ARHGEF4: variants seen among roughly 807,000 people sequenced by gnomAD.
The protein encoded by ARHGEF4 is APC-stimulated guanine nucleotide exchange factor 1.
Under a neutral mutation model 162.0 loss-of-function variants are expected in ARHGEF4, and 119 were observed. The ratio of observed to expected loss-of-function variants is 0.73; its 90% CI spans 0.63 to 0.86. The LOEUF (loss-of-function observed/expected upper bound fraction) is 0.86, where lower values mean the gene tolerates loss of function less well. Ranked by LOEUF, ARHGEF4 falls within the 40% of genes least tolerant of loss-of-function variation. ARHGEF4 has a pLI of 0.00. For synonymous variants in ARHGEF4, 1,014 were observed against 979.9 expected (o/e 1.03, Z -0.65); for missense variants, 2,488 against 2,456.0 (o/e 1.01, Z -0.28).
rs886144335 is a variant in ARHGEF4 at position 130,914,028 on chromosome 2, G to A, written c.82G>A (p.Glu28Lys). 6.5e-7 allele frequency: 1 copy of A among 1,536,160 alleles called. No individual in the cohort carries two copies. Among genetic ancestry groups the A allele is most frequent in the South Asian group, 1.2e-5 (1 of 84,066 alleles). The change falls in exon 2 of 14, where the codon GAA (glutamate) becomes AAA (lysine). Residue 28 changes from glutamate to lysine, a missense_variant. Transcript: ENST00000409359. The stretch of plus-strand genomic sequence containing the variant: ...ACACCTGCCAGGTGAAGGTGAGATT[G>A]AAGATAACCAGCTCCCCACATCCCC... ...GAHLPGEGEIEDNQLPTSPAE... is the reference protein window; with the variant it reads ...GAHLPGEGEIKDNQLPTSPAE...
chr2:130,870,928 A>G (rs1212881147), intron 1 of ARHGEF4, among the ~76,000 whole-genome samples: 1 of 152,140 alleles, frequency 6.6e-6, no homozygotes, highest in South Asian at 2.1e-4. Context: ...TCCTAGATCT[A>G]AGTGCTGTCA....
chr2:131,039,790 C>T (rs1193530221), intron 6 of ARHGEF4: 2 of 1,399,968 alleles, frequency 1.4e-6, no homozygotes, highest in African/African-American at 1.5e-5. Context: ...GAGGCCAAAT[C>T]GGTATTCGGA....
At chr2:130,958,228 G>A (rs1684411187) in intron 4 of ARHGEF4, among the ~76,000 whole-genome samples, 1 of 152,026 alleles carries the variant, frequency 6.6e-6, no homozygotes, top group Non-Finnish European at 1.5e-5. Flanking sequence ...GGTGTAGGGA[G>A]AAGGAGCCCT....
At chr2:130,875,265 G>A (rs1678754163) in intron 1 of ARHGEF4, among the ~76,000 whole-genome samples, 1 of 151,998 alleles carries the variant, frequency 6.6e-6, no homozygotes, top group South Asian at 2.1e-4. Flanking sequence ...TCTACAGATC[G>A]ATGGCCCCAC....
chr2:131,046,140 C>CATCT lies in ARHGEF4; in HGVS notation c.5584_5587dup (p.Thr1863IlefsTer80), dbSNP rs1377602184. On this transcript the variant is annotated frameshift_variant, in exon 14 of 14. Coordinates refer to ENST00000409359, the MANE Select transcript of ARHGEF4 (RefSeq NM_001367493.1). LOFTEE classifies it high-confidence loss of function. ...GTGCTGGCGGAGCCCAGGCGCAAGCCATCTACCTTCTGGCACAGCATCAGC... is the reference window on the plus strand; with the variant it reads ...GTGCTGGCGGAGCCCAGGCGCAAGCCATCTATCTACCTTCTGGCACAGCATCAGC... The CATCT allele has an allele frequency of 6.2e-7, 1 of 1,613,062 alleles. No individual in the cohort carries two copies. Among genetic ancestry groups the CATCT allele is most frequent in the Non-Finnish European group, 8.5e-7 (1 of 1,179,888 alleles).
At chr2:130,927,788 T>C (rs1017311595) in intron 2 of ARHGEF4, among the ~76,000 whole-genome samples, 3 of 152,218 alleles carry the variant, frequency 2.0e-5, no homozygotes, top group African/African-American at 7.2e-5. Flanking sequence ...CTCGCCACCA[T>C]TCAGATGTCT....
At chr2:130,940,839 A>G (rs969037401) in intron 3 of ARHGEF4, among the ~76,000 whole-genome samples, 4 of 102,370 alleles carry the variant, frequency 3.9e-5, no homozygotes, top group Admixed American at 3.8e-4. Context: ...CTCAAAAAAA[A>G]AAAAAAAAAG....
At chr2:130,981,445 G>A (rs1686109554) in intron 4 of ARHGEF4, among the ~76,000 whole-genome samples, 2 of 152,176 alleles carry the variant, frequency 1.3e-5, no homozygotes, top group African/African-American at 4.8e-5. Flanking sequence ...CGGATCCCAA[G>A]GTCGGGGGAT....
intron 4 of ARHGEF4, among the ~76,000 whole-genome samples, chr2:130,998,840 A>T (rs1462915525): frequency 1.3e-5 from 2 of 152,180 alleles, no homozygotes; most frequent in East Asian, 3.8e-4. Flanking sequence ...AAGGAGTGTG[A>T]TTGCTGGATC....
chr2:131,007,566 AAAT>A (rs1688194573), intron 4 of ARHGEF4, among the ~76,000 whole-genome samples: 1 of 152,136 alleles, frequency 6.6e-6, no homozygotes, highest in Non-Finnish European at 1.5e-5. Context: ...ACATAACAGA[AAAT>A]AATTAGAGTT....
Position 130,916,214 on chromosome 2 carries a change from A to C in ARHGEF4, c.2268A>C (p.Glu756Asp). 1 of 1,546,302 alleles carries C rather than the reference A, an allele frequency of 6.5e-7. No homozygotes were observed. The highest frequency in any genetic ancestry group is 8.7e-7 in the Non-Finnish European group (1 of 1,145,998). Reference sequence around the variant, plus strand: ...AGCGTGGCCCGGAGGAGGCCCCCGAAGGCGGTGCTGCAGCAGCCCGGGGCC... The same window carrying C: ...AGCGTGGCCCGGAGGAGGCCCCCGACGGCGGTGCTGCAGCAGCCCGGGGCC... ...SGERGPEEAP[E>D]GGAAAARGQR... The change falls in exon 2 of 14, where the codon GAA (glutamate) becomes GAC (aspartate). Residue 756 changes from glutamate (E) to aspartate (D), a missense_variant. Physicochemically the swap from Glu to Asp is conservative, Grantham distance 45 (BLOSUM62 2). Transcript: ENST00000409359.
At chr2:130,970,640 A>G (rs1255514498) in intron 4 of ARHGEF4, among the ~76,000 whole-genome samples, 1 of 150,562 alleles carries the variant, frequency 6.6e-6, no homozygotes, top group Non-Finnish European at 1.5e-5. Context: ...GTAGTATCTC[A>G]TTTGGTTTTC....
intron 9 of ARHGEF4, 59 bp from the exon 10 acceptor site, chr2:131,041,755 GA>G: frequency 6.3e-7 from 1 of 1,583,350 alleles, no homozygotes; most frequent in South Asian, 1.1e-5. Context: ...GGCTGCAGGG[GA>G]TCCTCACCCT....
intron 4 of ARHGEF4, among the ~76,000 whole-genome samples, chr2:130,986,181 G>C (rs564903949): frequency 6.6e-6 from 1 of 151,842 alleles, no homozygotes; most frequent in South Asian, 2.1e-4. Context: ...TGTGTTGCAC[G>C]TGCATGTGTG....
At chr2:130,926,081 CT>C (rs1559043964) in intron 2 of ARHGEF4, among the ~76,000 whole-genome samples, 3 of 53,342 alleles carry the variant, frequency 5.6e-5, no homozygotes, top group Non-Finnish European at 3.4e-5. Flanking sequence ...TTTCTTTGGT[CT>C]GTTTTCTCTC....
intron 4 of ARHGEF4, chr2:130,964,100 G>C (rs1684824262): frequency 1.1e-6 from 1 of 893,650 alleles, no homozygotes; most frequent in Admixed American, 6.2e-5. Flanking sequence ...GGCGATCTCG[G>C]CACTAGCAGC....
At chr2:130,873,947 G>A (rs1678658518) in intron 1 of ARHGEF4, among the ~76,000 whole-genome samples, 1 of 152,146 alleles carries the variant, frequency 6.6e-6, no homozygotes, top group Admixed American at 6.5e-5. Flanking sequence ...AAAGCCCTGG[G>A]TGCTTTGAAA....
intron 1 of ARHGEF4, among the ~76,000 whole-genome samples, chr2:130,904,343 T>G (rs1472277491): frequency 6.6e-6 from 1 of 152,166 alleles, no homozygotes; most frequent in African/African-American, 2.4e-5. Flanking sequence ...GGGTGTTATA[T>G]TATGGGCCTT....
intron 1 of ARHGEF4, 105 bp downstream of exon 1, chr2:130,837,097 C>A: frequency 9.1e-7 from 1 of 1,093,696 alleles, no homozygotes; most frequent in Non-Finnish European, 1.2e-6. Context: ...GTCCCCTGGG[C>A]ACCCGGTGGG....
Sources: allele counts gnomAD v4.1 joint callset (sites outside exome capture counted in the v4.1 genomes callset), GRCh38; gene constraint gnomAD v4.1.1; transcripts MANE v1.5; gene names NCBI Gene and HGNC (gene_info 2026-07-23, HGNC 2026-07-21).